The following CD74 variants were observed in gnomAD, a reference collection of about 807,000 sequenced individuals.
The protein encoded by CD74 is CD74 molecule, also known as HLA class II histocompatibility antigen gamma chain.
CD74 carries 20 observed loss-of-function variants against 37.1 expected under a neutral mutation model. That is an observed-to-expected ratio of 0.54 (90% CI 0.38 to 0.78). CD74 has a LOEUF of 0.78. Among genes scored for constraint, CD74 ranks in the 30% least tolerant of loss-of-function variants. The pLI is 0.00. For synonymous variants in CD74, 150 were observed against 152.0 expected, an observed-to-expected ratio of 0.99 and a Z score of 0.10; for missense variants, 338 against 389.5, an observed-to-expected ratio of 0.87 and a Z score of 1.11.
chr5:150,407,101 G>A lies in CD74; in HGVS notation c.298+51C>T, dbSNP rs777893918. 2 of 1,594,236 alleles carry A rather than the reference G, an allele frequency of 1.3e-6. No individual in the cohort carries two copies. The highest frequency in any genetic ancestry group is 1.7e-6 in the Non-Finnish European group (2 of 1,164,840). Reference sequence around the variant, plus strand: ...TGGGTGCAGGGATGCGGGTCTCTGAGTTGAGGGATGGTGGGAGGTGGGGGG... The same window carrying A: ...TGGGTGCAGGGATGCGGGTCTCTGAATTGAGGGATGGTGGGAGGTGGGGGG... On this transcript the variant is annotated intron_variant, in intron 2 of 8. Coordinates refer to ENST00000009530, the MANE Select transcript of CD74 (RefSeq NM_001025159.3). This position sits in a 1 kb window ranked among gnomAD's most constrained non-coding sequence, Gnocchi z 4.4.
At chr5:150,406,152 C>T (rs2151179246) in intron 4 of CD74, 107 bp downstream of exon 4, 1 of 802,720 alleles carries the variant, frequency 1.2e-6, no homozygotes, top group Non-Finnish European at 2.2e-6. Context: ...ATCCAGAGAG[C>T]ACATGTTGAA....
At chr5:150,410,204 T>C (rs1770259877) in intron 1 of CD74, among the ~76,000 whole-genome samples, 1 of 152,166 alleles carries the variant, frequency 6.6e-6, no homozygotes, top group African/African-American at 2.4e-5. Flanking sequence ...TCAGTGCTTC[T>C]GCAACCCCAC....
intron 4 of CD74, chr5:150,405,606 G>A: frequency 5.2e-6 from 1 of 191,686 alleles, no homozygotes; most frequent in East Asian, 1.7e-4. Flanking sequence ...ACTAGCCTGG[G>A]ATCCCCATGG....
intron 1 of CD74, among the ~76,000 whole-genome samples, chr5:150,410,009 A>G (rs1402412600): frequency 1.4e-5 from 2 of 142,468 alleles, no homozygotes; most frequent in East Asian, 4.4e-4. Flanking sequence ...GCTTTCTGGG[A>G]TAAGGCCCAG....
intron 4 of CD74, 97 bp from the exon 5 acceptor site, chr5:150,405,277 G>T: frequency 1.3e-6 from 2 of 1,489,288 alleles, no homozygotes; most frequent in Admixed American, 5.0e-5. Flanking sequence ...TCCATTCTGA[G>T]GAATGGACCA....
At chr5:150,412,326 C>T (rs1347785419) in intron 1 of CD74, among the ~76,000 whole-genome samples, 1 of 152,220 alleles carries the variant, frequency 6.6e-6, no homozygotes, top group Admixed American at 6.5e-5. Flanking sequence ...AAAGCCCCTG[C>T]ATAGCATGTG....
Position 150,403,040 on chromosome 5 carries a change from G to A in CD74, c.817+81C>T, listed in dbSNP as rs1769733407. The A allele has an allele frequency of 8.0e-7, 1 of 1,243,604 alleles. No individual in the cohort carries two copies. Among genetic ancestry groups the A allele is most frequent in the African/African-American group, 1.5e-5 (1 of 67,426 alleles). The allele number at this position is 1,243,604 out of a possible 1,614,324, so 77.0% of individuals were successfully genotyped here. On this transcript the variant is annotated intron_variant, in intron 7 of 8. Coordinates refer to ENST00000009530, the MANE Select transcript of CD74 (RefSeq NM_001025159.3). This position sits in a 1 kb window ranked among gnomAD's most constrained non-coding sequence, Gnocchi z 4.5. ...GCCATCCTGGGTGTCCTGGTCCCATGTGCTTCAGAGGGGACCTCTTGCCCC... is the reference window on the plus strand; with the variant it reads ...GCCATCCTGGGTGTCCTGGTCCCATATGCTTCAGAGGGGACCTCTTGCCCC...
Position 150,401,963 on chromosome 5 carries a change from G to C in CD74, c.*277C>G. ...TTGGAGCCTTGTGTTGGAGGCTGCT[G>C]TGATGTCAGGAACGGGGATCTGTCT... On this transcript the variant is annotated 3_prime_UTR_variant, in exon 9 of 9. Coordinates refer to ENST00000009530, the MANE Select transcript of CD74 (RefSeq NM_001025159.3). The C allele has an allele frequency of 1.7e-6, 2 of 1,185,072 alleles. No homozygotes were observed. The highest frequency in any genetic ancestry group is 1.2e-6 in the Non-Finnish European group (1 of 826,206). The allele number at this position is 1,185,072 out of a possible 1,614,324, so 73.4% of individuals were successfully genotyped here.
At chr5:150,408,125 T>C (rs1310172314) in intron 1 of CD74, among the ~76,000 whole-genome samples, 1 of 152,028 alleles carries the variant, frequency 6.6e-6, no homozygotes, top group African/African-American at 2.4e-5. Flanking sequence ...AAAAATTGTA[T>C]GTGCTTACCA....
Position 150,411,949 on chromosome 5 carries a change from G to A in CD74, c.125+676C>T, listed in dbSNP as rs185060151. 1.1e-3 allele frequency among the ~76,000 whole-genome samples: 175 copies of A among 152,266 alleles called. 2 individuals are homozygous for A. Among genetic ancestry groups the A allele is most frequent in the Admixed American group, 8.4e-3 (128 of 15,286 alleles). On this transcript the variant is annotated intron_variant, in intron 1 of 8. Coordinates refer to ENST00000009530, the MANE Select transcript of CD74 (RefSeq NM_001025159.3). ...GGATCTTGAACATTTTCAAAATCTGGTGCAAGGTCTTTATTTATTTATTTA... is the reference window on the plus strand; with the variant it reads ...GGATCTTGAACATTTTCAAAATCTGATGCAAGGTCTTTATTTATTTATTTA...
At position 150,412,684 on chromosome 5, in the gene CD74, G is replaced by C; in HGVS notation, c.66C>G (p.Asp22Glu). 6.2e-7 allele frequency: 1 copy of C among 1,614,098 alleles called. No individual in the cohort carries two copies. The highest frequency in any genetic ancestry group is 2.2e-5 in the East Asian group (1 of 44,884). Residue 22 changes from aspartate to glutamate, a missense_variant, in exon 1 of 9, where the codon GAC becomes GAG. Physicochemically the swap from Asp to Glu is conservative, Grantham distance 45. Coordinates refer to ENST00000009530, the MANE Select transcript of CD74 (RefSeq NM_001025159.3). ...GCAGTTGCTCATTGTTGGAGATAAG[G>C]TCGCGCTGGTCATCCATGACTGGCT... The part of the protein sequence containing the change: ...DQKPVMDDQR[D>E]LISNNEQLPM...
Position 150,407,039 on chromosome 5 carries a change from G to A in CD74, c.299-79C>T. 1 of 1,535,870 alleles carries A rather than the reference G, an allele frequency of 6.5e-7. No homozygotes were observed. The highest frequency in any genetic ancestry group is 8.9e-7 in the Non-Finnish European group (1 of 1,123,544). On this transcript the variant is annotated intron_variant, in intron 2 of 8. Coordinates refer to ENST00000009530, the MANE Select transcript of CD74 (RefSeq NM_001025159.3). This position sits in a 1 kb window ranked among gnomAD's most constrained non-coding sequence, Gnocchi z 4.4. ...ATCAGACCCAGATGAGGAAGGGCTG[G>A]AATTCCAAACCGGAGGGAGAGGACA... is the stretch of plus-strand genomic sequence containing the variant.
intron 6 of CD74, 197 bp downstream of exon 6, chr5:150,404,483 G>A (rs1247263777): frequency 5.2e-6 from 3 of 572,576 alleles, no homozygotes; most frequent in East Asian, 5.7e-5. Flanking sequence ...GATGGGGGTG[G>A]GTCAGGGGAG....
At chr5:150,412,589 A>C in intron 1 of CD74, 36 bp downstream of exon 1, 1 of 1,496,580 alleles carries the variant, frequency 6.7e-7, no homozygotes, top group East Asian at 2.3e-5. Context: ...TCTGCAGTCC[A>C]GGATCGGTGT....
chr5:150,407,424 G>T lies in CD74; in HGVS notation c.126-100C>A, dbSNP rs1770042850. The T allele has an allele frequency of 8.7e-6, 8 of 919,208 alleles. No homozygotes were observed. Among genetic ancestry groups the T allele is most frequent in the South Asian group, 3.4e-5 (2 of 59,172 alleles). 56.9% of individuals were successfully genotyped at this position (919,208 alleles called of 1,614,324 possible). A position where few individuals can be genotyped will look rare whatever the true frequency, so the allele number is the denominator to read the frequency against. ...GAAATGTATACCCCCATCTCCATTA[G>T]ACCCCTAAGCCACCCCTAATAAACA... On this transcript the variant is annotated intron_variant, in intron 1 of 8. Coordinates refer to ENST00000009530, the MANE Select transcript of CD74 (RefSeq NM_001025159.3). This position sits in a 1 kb window ranked among gnomAD's most constrained non-coding sequence, Gnocchi z 4.4.
chr5:150,407,000 C>T, intron 2 of CD74, 40 bp from the exon 3 acceptor site: 1 of 1,554,712 alleles, frequency 6.4e-7, no homozygotes, highest in Admixed American at 2.1e-5. Flanking sequence ...GCCCCGGTGC[C>T]CAGGGAGGAG....
Position 150,407,677 on chromosome 5 carries a change from A to G in CD74, c.126-353T>C, listed in dbSNP as rs10057873. Reference sequence around the variant, plus strand: ...GGGGTTGAGGTGGGGGGGTCTTCCCAGGCTCCCTTTGCCGTGCGGATCTCC... The same window carrying G: ...GGGGTTGAGGTGGGGGGGTCTTCCCGGGCTCCCTTTGCCGTGCGGATCTCC... On this transcript the variant is annotated intron_variant, in intron 1 of 8. Coordinates refer to ENST00000009530, the MANE Select transcript of CD74 (RefSeq NM_001025159.3). This position sits in a 1 kb window ranked among gnomAD's most constrained non-coding sequence, Gnocchi z 4.4. Among the ~76,000 whole-genome samples the G allele has an allele frequency of 0.02, 3,119 of 152,230 alleles. 122 individuals are homozygous for G. Among genetic ancestry groups the G allele is most frequent in the African/African-American group, 0.071 (2,967 of 41,510 alleles).
intron 5 of CD74, 128 bp downstream of exon 5, chr5:150,404,957 G>T: frequency 3.1e-6 from 3 of 957,856 alleles, no homozygotes; most frequent in Non-Finnish European, 4.9e-6. Flanking sequence ...TCCAGGTTTT[G>T]GAAGTGCTGG....
chr5:150,410,282 A>G (rs530612922), intron 1 of CD74, among the ~76,000 whole-genome samples: 130 of 152,228 alleles, frequency 8.5e-4, no homozygotes, highest in Non-Finnish European at 1.4e-3. Context: ...TCTCTGCACC[A>G]CAGTTCCTCA....
Sources: gnomAD v4.1 joint callset for allele counts (sites outside exome capture counted in the v4.1 genomes callset) on GRCh38, gnomAD v4.1.1 for gene constraint, Gnocchi (gnomAD v3.1) non-coding constraint, MANE v1.5 for transcripts, NCBI Gene and HGNC (gene_info 2026-07-23, HGNC 2026-07-21) for gene names.